The following ABCC12 variants were observed in gnomAD, a reference collection of about 807,000 sequenced individuals.
ABCC12 encodes ATP-binding cassette sub-family C member 12.
ABCC12 carries 142 observed loss-of-function variants against 151.1 expected under a neutral mutation model. The observed-to-expected ratio is 0.94, with a 90% confidence interval of 0.82 to 1.08. The LOEUF (loss-of-function observed/expected upper bound fraction) is 1.08. ABCC12 is among the 50% of genes least tolerant of loss of function. The pLI, the probability that ABCC12 is intolerant of heterozygous loss-of-function variation, is 0.00. For missense variants in ABCC12, 1,638 were observed against 1,691.1 expected, an observed-to-expected ratio of 0.97 and a Z score of 0.55; for synonymous variants, 645 against 646.4, an observed-to-expected ratio of 1.00 and a Z score of 0.03.
chr16:48,087,170 A>G (rs919375157), intron 27 of ABCC12: 23 of 213,266 alleles, frequency 1.1e-4, no homozygotes, highest in Non-Finnish European at 3.8e-5. Context: ...CTTGGCAGAG[A>G]AAGAGGGAGA....
At chr16:48,155,376 TA>T (rs111585385) in intron 1 of ABCC12, among the ~76,000 whole-genome samples, 21,276 of 125,000 alleles carry the variant, frequency 0.17, 2,509 homozygotes, top group African/African-American at 0.37. Context: ...ATTTAAAAGT[TA>T]AAAAAAAAAA....
rs558875842 is a variant in ABCC12, at chr16:48,111,861, C to A, written c.2039G>T (p.Cys680Phe). ...EVILLEDGEICEKGTHKELME... is the reference protein window; with the variant it reads ...EVILLEDGEIFEKGTHKELME... ...TAACTCCTTGTGGGTTCCCTTTTCA[C>A]AAATCTCTCCATCTTCTAATAAAAT... Residue 680 changes from cysteine to phenylalanine, a missense_variant, in exon 16 of 31, where the codon TGT becomes TTT. Transcript: ENST00000311303. 1 of 1,614,196 alleles carries A rather than the reference C, an allele frequency of 6.2e-7. No homozygotes were observed. The highest frequency in any genetic ancestry group is 1.3e-5 in the African/African-American group (1 of 75,040).
At chr16:48,140,273 T>G (rs1964759761) in intron 6 of ABCC12, among the ~76,000 whole-genome samples, 1 of 152,170 alleles carries the variant, frequency 6.6e-6, no homozygotes, top group Non-Finnish European at 1.5e-5. Context: ...AAATGTCAAC[T>G]CTGAAGTCCA....
rs745993838 is a variant in ABCC12, at chr16:48,146,318, C to T, written c.107G>A (p.Arg36Gln). 4 of 1,614,138 alleles carry T rather than the reference C, an allele frequency of 2.5e-6. No individual in the cohort carries two copies. Among genetic ancestry groups the T allele is most frequent in the South Asian group, 1.1e-5 (1 of 91,072 alleles). The change falls in exon 3 of 31, where the codon CGA (arginine) becomes CAA (glutamine). Residue 36 changes from arginine (R) to glutamine (Q), a missense_variant. Physicochemically the swap from Arg to Gln is conservative, Grantham distance 43 (BLOSUM62 1). Coordinates refer to ENST00000311303, the MANE Select transcript of ABCC12 (RefSeq NM_001393797.1). ...DPSLKTMIPV[R>Q]PCARLAPNPV... ...TCTTCTGACTTACCTTGCACAGGGT[C>T]GCACTGGGATCATGGTCTTCAGGCT... is the stretch of plus-strand genomic sequence containing the variant.
Position 48,086,806 on chromosome 16 carries a change from G to A in ABCC12, c.3649C>T (p.Pro1217Ser), listed in dbSNP as rs1349711432. ...FVGTVRYNLD[P>S]FESHTDEMLW... ...ATCTCATCGGTGTGACTCTCAAAGG[G>A]ATCCAAGTTGTACCTGCAATGAAGG... The change falls in exon 28 of 31, where the codon CCC (proline) becomes TCC (serine). Residue 1217 changes from proline (P) to serine (S), a missense_variant. Coordinates refer to ENST00000311303, the MANE Select transcript of ABCC12 (RefSeq NM_001393797.1). 3 of 1,613,204 alleles carry A rather than the reference G, an allele frequency of 1.9e-6. No homozygotes were observed. Among genetic ancestry groups the A allele is most frequent in the African/African-American group, 2.7e-5 (2 of 74,878 alleles).
At chr16:48,122,145 A>G (rs1042558340) in intron 12 of ABCC12, among the ~76,000 whole-genome samples, 2 of 152,198 alleles carry the variant, frequency 1.3e-5, no homozygotes, top group Non-Finnish European at 2.9e-5. Context: ...GCCCAACTAC[A>G]ACAGGATGTT....
chr16:48,088,162 G>T, intron 26 of ABCC12, 77 bp from the exon 27 acceptor site: 1 of 1,496,962 alleles, frequency 6.7e-7, no homozygotes, highest in Non-Finnish European at 9.1e-7. Flanking sequence ...TTAATCAGTG[G>T]GATTTTTAAT....
chr16:48,086,903 G>A, intron 27 of ABCC12, 84 bp from the exon 28 acceptor site: 1 of 1,163,318 alleles, frequency 8.6e-7, no homozygotes, highest in Non-Finnish European at 1.3e-6. Flanking sequence ...TGTAGCATGT[G>A]GAGGAGGGTA....
In ABCC12 at chr16:48,115,515, A is replaced by G. The variant is rs758557151; in HGVS notation, c.1889T>C (p.Leu630Pro). 1 of 1,610,552 alleles carries G rather than the reference A, an allele frequency of 6.2e-7. No homozygotes were observed. The highest frequency in any genetic ancestry group is 8.5e-7 in the Non-Finnish European group (1 of 1,176,620). ...DRQLYLLDDP[L>P]SAVDAHVGKH... Reference sequence around the variant, plus strand: ...CCCCACGTGGGCGTCCACGGCCGACAGGGGGTCGTCCAGCAGGTAGAGCTG... The same window carrying G: ...CCCCACGTGGGCGTCCACGGCCGACGGGGGGTCGTCCAGCAGGTAGAGCTG... The change falls in exon 15 of 31, where the codon CTG becomes CCG. Residue 630 changes from leucine to proline, a missense_variant. Leu to Pro is a moderately conservative substitution (Grantham distance 98, BLOSUM62 -3). Transcript: ENST00000311303.
In ABCC12 at chr16:48,139,056, A is replaced by T; in HGVS notation, c.831+107T>A. 2.3e-6 allele frequency: 3 copies of T among 1,276,650 alleles called. No homozygotes were observed. The East Asian group carries it at 7.2e-5, about 30-fold the overall frequency. The allele number at this position is 1,276,650 out of a possible 1,614,324, so 79.1% of individuals were successfully genotyped here. A position where few individuals can be genotyped will look rare whatever the true frequency, so the allele number is the denominator to read the frequency against. On this transcript the variant is annotated intron_variant, in intron 7 of 30. Coordinates refer to ENST00000311303, the MANE Select transcript of ABCC12 (RefSeq NM_001393797.1). ...AAGGAAGTAAATCTGTGAGTACAAA[A>T]TGGGGCACAGGCTTCATGCGCCAGA...
chr16:48,096,783 G>T lies in ABCC12; in HGVS notation c.3158C>A (p.Thr1053Asn), dbSNP rs1431481762. The T allele has an allele frequency of 8.1e-6, 13 of 1,613,930 alleles. No individual in the cohort carries two copies. The highest frequency in any genetic ancestry group is 2.7e-5 in the African/African-American group (2 of 74,908). The change falls in exon 24 of 31, where the codon ACT (threonine) becomes AAT (asparagine). Residue 1053 changes from threonine to asparagine, a missense_variant. Coordinates refer to ENST00000311303, the MANE Select transcript of ABCC12 (RefSeq NM_001393797.1). ...TGACAATGACAGGCCTTTGGATGAA[G>T]TACTGATGGAGGAGAAACTCAGGGT... is the stretch of plus-strand genomic sequence containing the variant. ...LVTLSFSSIS[T>N]SSKGLSLSYI...
rs1348966378 is a variant in ABCC12 at position 48,081,679 on chromosome 16, A to G, written c.*2036T>C. Among the ~76,000 whole-genome samples the G allele has an allele frequency of 6.6e-6, 1 of 152,230 alleles. No homozygotes were observed. Among genetic ancestry groups the G allele is most frequent in the Non-Finnish European group, 1.5e-5 (1 of 68,026 alleles). On this transcript the variant is annotated 3_prime_UTR_variant, in exon 31 of 31. Transcript: ENST00000311303. ...TCCTGGCACACTGCAAGGTCTCAGT[A>G]GACATCAGGATCAATGTCGGTGTTC... is the stretch of plus-strand genomic sequence containing the variant.
At position 48,085,646 on chromosome 16, in the gene ABCC12, C is replaced by G. The variant is rs780914744; in HGVS notation, c.3775G>C (p.Val1259Leu). 6.8e-6 allele frequency: 11 copies of G among 1,614,068 alleles called. No homozygotes were observed. Among genetic ancestry groups the G allele is most frequent in the Admixed American group, 1.7e-5 (1 of 59,994 alleles). The change falls in exon 29 of 31, where the codon GTA becomes CTA. Residue 1259 changes from valine to leucine, a missense_variant. Physicochemically the swap from Val to Leu is conservative, Grantham distance 32 (BLOSUM62 1). Coordinates refer to ENST00000311303, the MANE Select transcript of ABCC12 (RefSeq NM_001393797.1). ...EVTENGENFS[V>L]GERQLLCVAR... ...ACACAAAGCAGCTGACGTTCCCCTA[C>G]TGAGAAGTTTTCTCCATTTTCTGTG...
rs746236687 is a variant in ABCC12, at chr16:48,084,024, G to T, written c.3878C>A (p.Thr1293Asn). ...ATCTTTGATGGTGTTCTGAACCAGGGTGTCAGTCTTGGAGTCCATAGAGGC... is the reference window on the plus strand; with the variant it reads ...ATCTTTGATGGTGTTCTGAACCAGGTTGTCAGTCTTGGAGTCCATAGAGGC... ...ATASMDSKTD[T>N]LVQNTIKDAF... is the part of the protein sequence containing the mutation. The change falls in exon 30 of 31, where the codon ACC (threonine) becomes AAC (asparagine). Residue 1293 changes from threonine (T) to asparagine (N), a missense_variant. Coordinates refer to ENST00000311303, the MANE Select transcript of ABCC12 (RefSeq NM_001393797.1). 1.2e-5 allele frequency: 19 copies of T among 1,612,706 alleles called. No homozygotes were observed. In the Middle Eastern group the frequency reaches 4.9e-4, roughly 42 times the overall value.
chr16:48,145,694 T>A (rs1038092755), intron 3 of ABCC12, among the ~76,000 whole-genome samples: 1 of 152,230 alleles, frequency 6.6e-6, no homozygotes, highest in Admixed American at 6.5e-5. Context: ...TGGGCTAGCC[T>A]GCTGGAGGTT....
At chr16:48,136,044 G>C (rs960272083) in intron 8 of ABCC12, among the ~76,000 whole-genome samples, 2 of 152,178 alleles carry the variant, frequency 1.3e-5, no homozygotes, top group Admixed American at 6.5e-5. Context: ...TGATGAGAGA[G>C]AGTCTGTTAT....
At chr16:48,114,351 G>T (rs1022780196) in intron 15 of ABCC12, among the ~76,000 whole-genome samples, 1 of 152,078 alleles carries the variant, frequency 6.6e-6, no homozygotes, top group African/African-American at 2.4e-5. Flanking sequence ...CTACTGGAGG[G>T]TCCTAAAATG....
At chr16:48,121,980 T>C (rs1964086087) in intron 12 of ABCC12, 140 bp from the exon 13 acceptor site, 7 of 1,280,020 alleles carry the variant, frequency 5.5e-6, no homozygotes, top group South Asian at 1.5e-5. Flanking sequence ...ATCTTGTCCA[T>C]GCACCAGAAA....
At chr16:48,133,571 C>T in intron 9 of ABCC12, 116 bp downstream of exon 9, 1 of 1,244,862 alleles carries the variant, frequency 8.0e-7, no homozygotes, top group Non-Finnish European at 1.1e-6. Flanking sequence ...CATCCTGTGG[C>T]CTGCCATGAT....
Sources: allele counts gnomAD v4.1 joint callset (sites outside exome capture counted in the v4.1 genomes callset), GRCh38; gene constraint gnomAD v4.1.1; transcripts MANE v1.5; gene names NCBI Gene and HGNC (gene_info 2026-07-23, HGNC 2026-07-21).